ARMH1: variants seen among roughly 807,000 people sequenced by gnomAD.
ARMH1 encodes the protein armadillo-like helical domain containing protein 1.
ARMH1 carries 34 observed loss-of-function variants against 50.2 expected under a neutral mutation model. The observed-to-expected ratio is 0.68, with a 90% CI of 0.51 to 0.90. The LOEUF (loss-of-function observed/expected upper bound fraction) is 0.90, where lower values mean the gene tolerates loss of function less well. ARMH1 is among the 40% of genes least tolerant of loss of function. The pLI, the probability that ARMH1 is intolerant of heterozygous loss-of-function variation, is 0.00. For missense variants in ARMH1, 538 were observed against 553.9 expected (o/e 0.97, Z 0.29); for synonymous variants, 221 against 224.2 (o/e 0.99, Z 0.13).
intron 6 of ARMH1, among the ~76,000 whole-genome samples, chr1:44,715,145 G>A (rs1280982910): frequency 6.6e-6 from 1 of 152,182 alleles, no homozygotes; most frequent in Non-Finnish European, 1.5e-5. Flanking sequence ...CTTCTCATAT[G>A]TGTCCAGTAG....
chr1:44,711,489 G>GTC (rs1573442209), intron 6 of ARMH1, among the ~76,000 whole-genome samples: 1 of 152,282 alleles, frequency 6.6e-6, no homozygotes, highest in South Asian at 2.1e-4. Flanking sequence ...TTGGAGAAAT[G>GTC]TCTATTCAGG....
intron 1 of ARMH1, among the ~76,000 whole-genome samples, chr1:44,676,906 G>A (rs1227101438): frequency 6.6e-6 from 1 of 152,154 alleles, no homozygotes; most frequent in East Asian, 1.9e-4. Context: ...AACTATAAGG[G>A]AAAGAAGATA....
At chr1:44,701,799 C>A (rs953598990) in intron 5 of ARMH1, among the ~76,000 whole-genome samples, 12 of 151,832 alleles carry the variant, frequency 7.9e-5, no homozygotes, top group Admixed American at 4.6e-4. Flanking sequence ...CATGGTGGTG[C>A]ACACCTGTAA....
At position 44,724,450 on chromosome 1, in the gene ARMH1, G is replaced by A. The variant is rs1353944624; in HGVS notation, c.920+58G>A. 2 of 1,531,358 alleles carry A rather than the reference G, an allele frequency of 1.3e-6. No homozygotes were observed. Among genetic ancestry groups the A allele is most frequent in the East Asian group, 2.5e-5 (1 of 40,602 alleles). The allele number at this position is 1,531,358 out of a possible 1,614,324, so 94.9% of individuals were successfully genotyped here. The stretch of plus-strand genomic sequence containing the variant: ...CAAGCCTGGCTTGGCGCTGCCGGCG[G>A]GCCCCGGGAGCGCTCCGTGCGCCGG... On this transcript the variant is annotated intron_variant, in intron 8 of 11. Transcript: ENST00000535358. This position sits in a 1 kb window ranked among gnomAD's most constrained non-coding sequence, Gnocchi z 6.4.
At chr1:44,714,035 G>A (rs191726269) in intron 6 of ARMH1, among the ~76,000 whole-genome samples, 2 of 152,176 alleles carry the variant, frequency 1.3e-5, no homozygotes, top group East Asian at 3.9e-4. Flanking sequence ...CAGCACTTTG[G>A]GAGGCCGGCG....
intron 3 of ARMH1, 23 bp downstream of exon 3, chr1:44,697,193 T>C: frequency 6.5e-7 from 1 of 1,535,200 alleles, no homozygotes; most frequent in Non-Finnish European, 8.8e-7. Flanking sequence ...CTAGCGTGAT[T>C]CTGGGGGTCT....
intron 6 of ARMH1, among the ~76,000 whole-genome samples, chr1:44,711,532 T>C (rs1646614056): frequency 6.6e-6 from 1 of 152,248 alleles, no homozygotes; most frequent in African/African-American, 2.4e-5. Context: ...GTTGTTGGGT[T>C]GTAAGAGTTT....
At chr1:44,712,495 C>G (rs573308206) in intron 6 of ARMH1, among the ~76,000 whole-genome samples, 1 of 128,622 alleles carries the variant, frequency 7.8e-6, no homozygotes, top group Admixed American at 9.0e-5. Context: ...ATTAGCTGGG[C>G]ATGGTGGCTC....
chr1:44,677,984 G>A (rs1645190899), intron 1 of ARMH1, among the ~76,000 whole-genome samples: 1 of 152,188 alleles, frequency 6.6e-6, no homozygotes, highest in Admixed American at 6.5e-5. Flanking sequence ...GGGCCATGCA[G>A]AAGGGGAGCC....
At chr1:44,676,149 T>C (rs142140967) in intron 1 of ARMH1, among the ~76,000 whole-genome samples, 258 of 152,132 alleles carry the variant, frequency 1.7e-3, no homozygotes, top group African/African-American at 5.7e-3. Flanking sequence ...TGGTTACTAA[T>C]TGGGTGTGGG....
intron 6 of ARMH1, among the ~76,000 whole-genome samples, chr1:44,707,583 C>G (rs1646401614): frequency 6.6e-6 from 1 of 152,158 alleles, no homozygotes. Flanking sequence ...GCACAGCTCA[C>G]CATGCCCAGT....
At chr1:44,703,560 T>TAAAA (rs1186744272) in intron 5 of ARMH1, among the ~76,000 whole-genome samples, 22,472 of 106,410 alleles carry the variant, frequency 0.21, 2,609 homozygotes, top group East Asian at 0.56. Flanking sequence ...CCGTCTCTAC[T>TAAAA]AAAAAAAAAA....
At chr1:44,689,077 T>G (rs771282821) in intron 1 of ARMH1, 2 of 152,150 alleles carry the variant, frequency 1.3e-5, no homozygotes, top group Non-Finnish European at 2.9e-5. Flanking sequence ...AATTTTTGTG[T>G]TTTTTTAACA....
chr1:44,705,993 G>A (rs1646326047), intron 6 of ARMH1, among the ~76,000 whole-genome samples: 1 of 152,176 alleles, frequency 6.6e-6, no homozygotes, highest in South Asian at 2.1e-4. Flanking sequence ...ATTTAGAGAA[G>A]GGATGGTAAA....
chr1:44,715,144 T>A (rs79324533), intron 6 of ARMH1, among the ~76,000 whole-genome samples: 353 of 152,326 alleles, frequency 2.3e-3, no homozygotes, highest in African/African-American at 8.3e-3. Flanking sequence ...ACTTCTCATA[T>A]GTGTCCAGTA....
At chr1:44,714,351 C>T (rs1646754645) in intron 6 of ARMH1, among the ~76,000 whole-genome samples, 1 of 151,334 alleles carries the variant, frequency 6.6e-6, no homozygotes. Flanking sequence ...TTTGGGAGGC[C>T]GAGGCCGGCA....
At chr1:44,698,657 A>C (rs1375015041) in intron 4 of ARMH1, among the ~76,000 whole-genome samples, 1 of 151,578 alleles carries the variant, frequency 6.6e-6, no homozygotes, top group African/African-American at 2.4e-5. Flanking sequence ...CTAAAAATAC[A>C]AAAAAATTAG....
chr1:44,721,868 A>G (rs990727141), intron 6 of ARMH1: 2 of 152,194 alleles, frequency 1.3e-5, no homozygotes, highest in Non-Finnish European at 2.9e-5. Context: ...GTAAAAGGCG[A>G]AAGATTTATT....
At chr1:44,705,441 C>T (rs1315104378) in intron 6 of ARMH1, among the ~76,000 whole-genome samples, 4 of 151,614 alleles carry the variant, frequency 2.6e-5, no homozygotes, top group South Asian at 2.1e-4. Context: ...TGCATTGAGC[C>T]GAGATCTCGC....
Sources: allele counts gnomAD v4.1 joint callset (sites outside exome capture counted in the v4.1 genomes callset), GRCh38; gene constraint gnomAD v4.1.1; non-coding constraint Gnocchi (gnomAD v3.1); transcripts MANE v1.5; gene names NCBI Gene and HGNC (gene_info 2026-07-23, HGNC 2026-07-21).